The following CALCRL variants were observed in gnomAD, a reference collection of about 807,000 sequenced individuals.
The protein encoded by CALCRL is calcitonin receptor like receptor.
In CALCRL, 27 loss-of-function variants were observed where a neutral mutation model predicts 60.4. That is an observed-to-expected ratio of 0.45 (90% confidence interval 0.33 to 0.62). The LOEUF (loss-of-function observed/expected upper bound fraction) is 0.62. CALCRL is among the 20% of genes least tolerant of loss of function. The probability of loss-of-function intolerance (pLI) is 0.03; values close to 1 mark genes in which losing one functional copy is unlikely to be tolerated. For missense variants in CALCRL, 424 were observed against 540.7 expected (o/e 0.78, Z 2.14); for synonymous variants, 190 against 182.6 (o/e 1.04, Z -0.33).
In CALCRL at chr2:187,401,097, A is replaced by G. The variant is rs1403359158; in HGVS notation, c.-292-13341T>C. ...TGAAGATTGGGCTTTTAATGATTCT[A>G]TTGCCCAAGTAGGGAACATATTGAA... On this transcript the variant is annotated intron_variant, in intron 1 of 14. Transcript: ENST00000392370. Among the ~76,000 whole-genome samples, 6 of 151,644 alleles carry G rather than the reference A, an allele frequency of 4.0e-5. No individual in the cohort carries two copies. The East Asian group carries it at 7.8e-4, about 20-fold the overall frequency.
chr2:187,370,980 C>T (rs925702363), intron 8 of CALCRL, among the ~76,000 whole-genome samples: 21 of 152,110 alleles, frequency 1.4e-4, no homozygotes, highest in African/African-American at 4.8e-4. Flanking sequence ...ATAGTTCTCA[C>T]GCCTGTAATC....
chr2:187,369,798 C>T (rs943958244), intron 8 of CALCRL, among the ~76,000 whole-genome samples: 1 of 152,046 alleles, frequency 6.6e-6, no homozygotes, highest in African/African-American at 2.4e-5. Flanking sequence ...AGAATGTGGC[C>T]AGGGTGAGAA....
chr2:187,368,401 AT>A (rs548735873), intron 8 of CALCRL, among the ~76,000 whole-genome samples: 37 of 151,922 alleles, frequency 2.4e-4, no homozygotes, highest in East Asian at 3.9e-4. Flanking sequence ...AAAAATAGTC[AT>A]TTTTTTTCTT....
rs755764115 is a variant in CALCRL at position 187,378,976 on chromosome 2, G to A, written c.464C>T (p.Ser155Leu). 3 of 1,607,438 alleles carry A rather than the reference G, an allele frequency of 1.9e-6. No individual in the cohort carries two copies. The highest frequency in any genetic ancestry group is 2.6e-6 in the Non-Finnish European group (3 of 1,175,502). The change falls in exon 8 of 15, where the codon TCA (serine) becomes TTA (leucine). Residue 155 changes from serine to leucine, a missense_variant. This residue lies in a region of CALCRL where 43 missense variants were observed against 46.6 expected (regional missense o/e 0.92). Transcript: ENST00000392370. Reference protein sequence around the residue: ...TIIGHGLSIASLLISLGIFFY... With the variant: ...TIIGHGLSIALLLISLGIFFY... ...GAATATGCCAAGCGAGATAAGCAGTGATGCAATAGACAATCCGTGTCCAAT... is the reference window on the plus strand; with the variant it reads ...GAATATGCCAAGCGAGATAAGCAGTAATGCAATAGACAATCCGTGTCCAAT...
In CALCRL at chr2:187,359,049, A is replaced by G; in HGVS notation, c.909+14T>C. ...ATGTGAGCAATGATAAGGAAAGGAG[A>G]ATTTGTTACATACCAGTAAAGCAGC... On this transcript the variant is annotated intron_variant, in intron 12 of 14. Transcript: ENST00000392370. The G allele has an allele frequency of 6.3e-7, 1 of 1,599,890 alleles. No homozygotes were observed. Among genetic ancestry groups the G allele is most frequent in the Non-Finnish European group, 8.6e-7 (1 of 1,167,092 alleles).
intron 1 of CALCRL, among the ~76,000 whole-genome samples, chr2:187,423,397 A>C (rs1180066249): frequency 6.6e-6 from 1 of 151,770 alleles, no homozygotes; most frequent in African/African-American, 2.4e-5. Context: ...ATATGTCTAC[A>C]ATTTCCCACC....
chr2:187,362,767 C>A (rs1326794189), intron 9 of CALCRL, among the ~76,000 whole-genome samples: 2 of 151,964 alleles, frequency 1.3e-5, no homozygotes, highest in East Asian at 1.9e-4. Context: ...GCCTGTAAGG[C>A]AACAATTTAT....
intron 1 of CALCRL, among the ~76,000 whole-genome samples, chr2:187,400,943 T>C (rs1022402795): frequency 1.4e-4 from 21 of 151,640 alleles, no homozygotes; most frequent in African/African-American, 4.8e-4. Flanking sequence ...GTAATGAATG[T>C]GTTCGAAAAT....
intron 8 of CALCRL, among the ~76,000 whole-genome samples, chr2:187,370,323 G>C (rs1461968810): frequency 6.6e-6 from 1 of 151,952 alleles, no homozygotes; most frequent in Non-Finnish European, 1.5e-5. Context: ...TGGAAAACCT[G>C]ATTGTAAAAT....
intron 1 of CALCRL, among the ~76,000 whole-genome samples, chr2:187,391,233 C>A (rs1215487950): frequency 6.6e-6 from 1 of 152,158 alleles, no homozygotes; most frequent in Non-Finnish European, 1.5e-5. Context: ...GTACTTCTCT[C>A]TATATATTTA....
In CALCRL at chr2:187,387,497, G is replaced by A. The variant is rs1204731356; in HGVS notation, c.-201-4C>T. On this transcript the variant is annotated splice_polypyrimidine_tract_variant and splice_region_variant and intron_variant, in intron 2 of 14. Coordinates refer to ENST00000392370, the MANE Select transcript of CALCRL (RefSeq NM_005795.6). The stretch of plus-strand genomic sequence containing the variant: ...TGGGTTTTTATTATTAGACGATCTT[G>A]AGAAAAATATAACCAAAATACCATG... 3 of 315,664 alleles carry A rather than the reference G, an allele frequency of 9.5e-6. No homozygotes were observed. Among genetic ancestry groups the A allele is most frequent in the Non-Finnish European group, 1.7e-5 (3 of 175,956 alleles). The allele number at this position is 315,664 out of a possible 1,614,324, so 19.6% of individuals were successfully genotyped here.
At chr2:187,407,501 T>A (rs1476201070) in intron 1 of CALCRL, among the ~76,000 whole-genome samples, 2 of 152,098 alleles carry the variant, frequency 1.3e-5, no homozygotes, top group Admixed American at 1.3e-4. Context: ...ATGGGAACAT[T>A]GTAAACAATT....
intron 1 of CALCRL, among the ~76,000 whole-genome samples, chr2:187,422,339 G>C (rs1280912394): frequency 6.6e-6 from 1 of 152,124 alleles, no homozygotes; most frequent in Non-Finnish European, 1.5e-5. Flanking sequence ...AGTCTGGCTT[G>C]ATAGCCCTGC....
chr2:187,357,651 C>T (rs866563399), intron 12 of CALCRL, among the ~76,000 whole-genome samples: 26 of 94,526 alleles, frequency 2.8e-4, no homozygotes, highest in African/African-American at 9.2e-4. Flanking sequence ...GTTGTGGGGT[C>T]GGGGGAGGGG....
intron 14 of CALCRL, among the ~76,000 whole-genome samples, chr2:187,348,135 C>G (rs1343330180): frequency 2.0e-5 from 3 of 151,584 alleles, no homozygotes; most frequent in Non-Finnish European, 3.0e-5. Context: ...TAATATAATT[C>G]TAAATCCTCC....
At chr2:187,446,858 A>G (rs1181616732) in intron 1 of CALCRL, among the ~76,000 whole-genome samples, 1 of 151,942 alleles carries the variant, frequency 6.6e-6, no homozygotes, top group African/African-American at 2.4e-5. Flanking sequence ...GGAGTTACTC[A>G]GGATGTTTGT....
At chr2:187,400,846 G>T (rs1375317849) in intron 1 of CALCRL, among the ~76,000 whole-genome samples, 1 of 151,450 alleles carries the variant, frequency 6.6e-6, no homozygotes, top group African/African-American at 2.4e-5. Flanking sequence ...AATCTATAAA[G>T]GTGAAGGAGC....
intron 4 of CALCRL, 138 bp from the exon 5 acceptor site, chr2:187,383,443 A>T (rs1399629318): frequency 5.0e-6 from 3 of 599,134 alleles, no homozygotes; most frequent in African/African-American, 1.9e-5. Context: ...TAGGGAAAAA[A>T]CCCCAATTTG....
chr2:187,389,167 G>A (rs938534166), intron 1 of CALCRL, among the ~76,000 whole-genome samples: 1 of 150,948 alleles, frequency 6.6e-6, no homozygotes, highest in Non-Finnish European at 1.5e-5. Flanking sequence ...CCGTCTTGCA[G>A]GTTCAAGAGA....
Sources: allele counts gnomAD v4.1 joint callset (sites outside exome capture counted in the v4.1 genomes callset), GRCh38; gene constraint gnomAD v4.1.1; regional missense constraint gnomAD v4.1.1; transcripts MANE v1.5; gene names NCBI Gene and HGNC (gene_info 2026-07-23, HGNC 2026-07-21).